The following ABTB2 variants were observed in gnomAD, a reference collection of about 807,000 sequenced individuals.
ABTB2 encodes the protein ankyrin repeat and BTB/POZ domain-containing protein 2.
Under a neutral mutation model 104.1 loss-of-function variants are expected in ABTB2, and 56 were observed. The observed-to-expected ratio is 0.54, with a 90% CI of 0.43 to 0.67. ABTB2 has a LOEUF of 0.67. Among genes scored for constraint, ABTB2 ranks in the 30% least tolerant of loss-of-function variants. The pLI, the probability that ABTB2 is intolerant of heterozygous loss-of-function variation, is 0.00. For synonymous variants in ABTB2, 606 were observed against 608.2 expected, an observed-to-expected ratio of 1.00 and a Z score of 0.05; for missense variants, 1,279 against 1,407.7, an observed-to-expected ratio of 0.91 and a Z score of 1.46.
At chr11:34,263,990 T>C (rs970787651) in intron 1 of ABTB2, among the ~76,000 whole-genome samples, 6 of 152,216 alleles carry the variant, frequency 3.9e-5, no homozygotes, top group Non-Finnish European at 5.9e-5. Context: ...GACGTCTTTA[T>C]GGAGTCTGAC....
Position 34,356,840 on chromosome 11 carries a change from G to C in ABTB2, c.744C>G (p.Ala248=), listed in dbSNP as rs1415837679. 71 of 1,605,384 alleles carry C rather than the reference G, an allele frequency of 4.4e-5. No homozygotes were observed. The highest frequency in any genetic ancestry group is 5.9e-5 in the Non-Finnish European group (69 of 1,176,190). The part of the protein sequence containing the change: ...LVEEIRARVM[A]SHSPDGGGAG... ...CCCCTCCGCCATCAGGGCTGTGGCT[G>C]GCCATCACCCTGGCCCGGATCTCCT... Residue 248 remains alanine (A), a synonymous_variant, in exon 1 of 17, where the codon GCC becomes GCG. Transcript: ENST00000435224. The surrounding 1 kb of genome is among the most constrained non-coding windows in gnomAD (Gnocchi z 4.6).
rs1854066956 is a variant in ABTB2, at chr11:34,252,403, A to G, written c.884-47713T>C. Among the ~76,000 whole-genome samples the G allele has an allele frequency of 6.6e-6, 1 of 152,110 alleles. No individual in the cohort carries two copies. The highest frequency in any genetic ancestry group is 2.4e-5 in the African/African-American group (1 of 41,420). The stretch of plus-strand genomic sequence containing the variant: ...TGGAGCATCCAGGCAGCTGATAATG[A>G]CCACTGCTTAACCAGCCCTCCTCAG... On this transcript the variant is annotated intron_variant, in intron 1 of 16. Transcript: ENST00000435224. The surrounding 1 kb of genome is among the most constrained non-coding windows in gnomAD (Gnocchi z 5.5).
In ABTB2 at chr11:34,152,304, CAA is replaced by C; in HGVS notation, c.*81_*82del. 1 of 1,440,418 alleles carries C rather than the reference CAA, an allele frequency of 6.9e-7. No individual in the cohort carries two copies. The highest frequency in any genetic ancestry group is 9.3e-7 in the Non-Finnish European group (1 of 1,078,778). The allele number at this position is 1,440,418 out of a possible 1,614,324, so 89.2% of individuals were successfully genotyped here. ...GGAAACAGCCCCGTGAACCTGGCTCCAAGAGGGCCTACAACCATACCCCGACA... is the reference window on the plus strand; with the variant it reads ...GGAAACAGCCCCGTGAACCTGGCTCCGAGGGCCTACAACCATACCCCGACA... On this transcript the variant is annotated 3_prime_UTR_variant, in exon 17 of 17. Transcript: ENST00000435224.
chr11:34,279,782 T>C (rs543778929), intron 1 of ABTB2, among the ~76,000 whole-genome samples: 56 of 136,182 alleles, frequency 4.1e-4, no homozygotes, highest in Non-Finnish European at 7.4e-4. Flanking sequence ...CTTTTCTTTC[T>C]TCTTCTTTTT....
intron 1 of ABTB2, among the ~76,000 whole-genome samples, chr11:34,218,265 T>C (rs1209790470): frequency 6.6e-6 from 1 of 152,230 alleles, no homozygotes; most frequent in Non-Finnish European, 1.5e-5. Context: ...CTCTTGGCAC[T>C]GTCTCTTACA....
In ABTB2 at chr11:34,276,914, G is replaced by A. The variant is rs568717143; in HGVS notation, c.884-72224C>T. On this transcript the variant is annotated intron_variant, in intron 1 of 16. Coordinates refer to ENST00000435224, the MANE Select transcript of ABTB2 (RefSeq NM_145804.3). ...GGCTGAGAAGTACGTGTGTATGTAC[G>A]TATTTGAGATGGAGTCTTGCTCTCT... Among the ~76,000 whole-genome samples, 49 of 152,216 alleles carry A rather than the reference G, an allele frequency of 3.2e-4. 1 individual carries two copies. Among genetic ancestry groups the A allele is most frequent in the Admixed American group, 1.6e-3 (24 of 15,286 alleles).
intron 1 of ABTB2, among the ~76,000 whole-genome samples, chr11:34,304,481 T>C (rs1252654545): frequency 6.6e-6 from 1 of 152,178 alleles, no homozygotes; most frequent in Non-Finnish European, 1.5e-5. Context: ...GATTTAATCT[T>C]CCTAATAACC....
At chr11:34,288,438 T>A (rs1057378844) in intron 1 of ABTB2, among the ~76,000 whole-genome samples, 3 of 152,202 alleles carry the variant, frequency 2.0e-5, no homozygotes, top group African/African-American at 7.2e-5. Context: ...TTATCCTAAG[T>A]GCAAGAACAA....
At chr11:34,234,959 G>C (rs989912376) in intron 1 of ABTB2, among the ~76,000 whole-genome samples, 1 of 152,158 alleles carries the variant, frequency 6.6e-6, no homozygotes, top group South Asian at 2.1e-4. Flanking sequence ...CTGGGTTCAC[G>C]CCATTCTCCT....
chr11:34,186,674 G>T (rs1044486416), intron 3 of ABTB2, among the ~76,000 whole-genome samples: 3 of 152,184 alleles, frequency 2.0e-5, no homozygotes, highest in Admixed American at 1.3e-4. Flanking sequence ...AGCCAGCCCT[G>T]GGGGGTGCTT....
intron 4 of ABTB2, among the ~76,000 whole-genome samples, chr11:34,171,534 A>C (rs1373968394): frequency 6.6e-6 from 1 of 152,226 alleles, no homozygotes; most frequent in African/African-American, 2.4e-5. Flanking sequence ...AGATTGTGCC[A>C]CTGTACTCCA....
intron 3 of ABTB2, among the ~76,000 whole-genome samples, chr11:34,183,384 G>A (rs574074427): frequency 5.3e-5 from 8 of 152,346 alleles, no homozygotes; most frequent in African/African-American, 1.7e-4. Context: ...GCAGGCGTGA[G>A]CCACCGTGCC....
chr11:34,267,175 G>A (rs143740638), intron 1 of ABTB2, among the ~76,000 whole-genome samples: 21 of 152,346 alleles, frequency 1.4e-4, no homozygotes, highest in African/African-American at 4.8e-4. Context: ...CGACGGCCAA[G>A]TACTCTGTAG....
chr11:34,187,847 C>T (rs1049541627), intron 3 of ABTB2, among the ~76,000 whole-genome samples: 1 of 152,046 alleles, frequency 6.6e-6, no homozygotes, highest in African/African-American at 2.4e-5. Flanking sequence ...AGAGCAGGGA[C>T]TGAGGGAAGG....
chr11:34,326,211 C>T (rs1855068301), intron 1 of ABTB2, among the ~76,000 whole-genome samples: 1 of 151,912 alleles, frequency 6.6e-6, no homozygotes, highest in Non-Finnish European at 1.5e-5. Context: ...TAGGAAAATA[C>T]CGATTCTAAG....
At chr11:34,250,726 C>T (rs1854045684) in intron 1 of ABTB2, among the ~76,000 whole-genome samples, 1 of 152,200 alleles carries the variant, frequency 6.6e-6, no homozygotes, top group Admixed American at 6.5e-5. Flanking sequence ...AGAGAGAGCA[C>T]CAACCCCAAA....
At chr11:34,289,962 T>C (rs1272134550) in intron 1 of ABTB2, among the ~76,000 whole-genome samples, 3 of 152,244 alleles carry the variant, frequency 2.0e-5, no homozygotes, top group African/African-American at 7.2e-5. Flanking sequence ...TAACTAACTA[T>C]AGTCCTCACT....
intron 1 of ABTB2, among the ~76,000 whole-genome samples, chr11:34,304,687 G>A (rs1305171286): frequency 6.6e-6 from 1 of 152,056 alleles, no homozygotes; most frequent in Non-Finnish European, 1.5e-5. Flanking sequence ...GAGAAGGAGA[G>A]GAGGGAAATG....
At chr11:34,165,694 C>A (rs965945095) in intron 7 of ABTB2, among the ~76,000 whole-genome samples, 1 of 152,194 alleles carries the variant, frequency 6.6e-6, no homozygotes, top group African/African-American at 2.4e-5. Flanking sequence ...AAATGTTGCC[C>A]GCAATCTATG....
Sources: gnomAD v4.1 joint callset for allele counts (sites outside exome capture counted in the v4.1 genomes callset) on GRCh38, gnomAD v4.1.1 for gene constraint, Gnocchi (gnomAD v3.1) non-coding constraint, MANE v1.5 for transcripts, NCBI Gene and HGNC (gene_info 2026-07-23, HGNC 2026-07-21) for gene names.